The following CTTNBP2 variants were observed in gnomAD, a reference collection of about 807,000 sequenced individuals.
The protein encoded by CTTNBP2 is cortactin-binding protein 2.
CTTNBP2 carries 108 observed loss-of-function variants against 156.9 expected under a neutral mutation model. The observed-to-expected ratio is 0.69, with a 90% CI of 0.59 to 0.81. CTTNBP2 has a LOEUF of 0.81. Among genes scored for constraint, CTTNBP2 ranks in the 30% least tolerant of loss-of-function variants. The probability of loss-of-function intolerance (pLI) is 0.00; values close to 1 mark genes in which losing one functional copy is unlikely to be tolerated. For synonymous variants in CTTNBP2, 767 were observed against 751.8 expected (o/e 1.02, Z -0.33); for missense variants, 1,924 against 2,035.4 (o/e 0.95, Z 1.05).
chr7:117,781,206 A>G (rs888373950), intron 6 of CTTNBP2, among the ~76,000 whole-genome samples: 5 of 152,260 alleles, frequency 3.3e-5, no homozygotes, highest in Non-Finnish European at 5.9e-5. Flanking sequence ...GAAATGAGGT[A>G]AAGTCAAGAC....
chr7:117,805,377 C>T (rs188344735), intron 3 of CTTNBP2, among the ~76,000 whole-genome samples: 83 of 152,272 alleles, frequency 5.5e-4, no homozygotes, highest in Non-Finnish European at 9.3e-4. Context: ...CACCGAGTGG[C>T]TATAGGAAAG....
At position 117,721,103 on chromosome 7, in the gene CTTNBP2, A is replaced by G. The variant is rs974798801; in HGVS notation, c.4475T>C (p.Leu1492Pro). 6.2e-7 allele frequency: 1 copy of G among 1,605,588 alleles called. No individual in the cohort carries two copies. Among genetic ancestry groups the G allele is most frequent in the South Asian group, 1.1e-5 (1 of 90,888 alleles). The change falls in exon 20 of 23, where the codon CTG (leucine) becomes CCG (proline). Residue 1492 changes from leucine to proline, a missense_variant. Transcript: ENST00000160373. ...EGMKNKTISQ[L>P]NCNRNASLSK... ...CAGAGAAGCATTCCTGTTACAATTC[A>G]GCTGTGATATAGTCTTATTTTTCAT...
intron 3 of CTTNBP2, among the ~76,000 whole-genome samples, chr7:117,795,959 C>T (rs985008220): frequency 6.6e-6 from 1 of 152,210 alleles, no homozygotes; most frequent in African/African-American, 2.4e-5. Context: ...CCATTTACTA[C>T]AGGGGATATT....
intron 22 of CTTNBP2, among the ~76,000 whole-genome samples, chr7:117,714,440 A>G (rs918465389): frequency 2.6e-5 from 4 of 152,234 alleles, no homozygotes; most frequent in African/African-American, 9.6e-5. Context: ...TATAATAAGG[A>G]TAACAGTTAG....
At chr7:117,761,344 G>A (rs10258815) in intron 9 of CTTNBP2, among the ~76,000 whole-genome samples, 66,182 of 152,102 alleles carry the variant, frequency 0.44, 18,603 homozygotes, top group African/African-American at 0.79. Flanking sequence ...ATGGTTAACA[G>A]GGTAGCAGGA....
At chr7:117,863,985 A>G (rs1416190561) in intron 1 of CTTNBP2, among the ~76,000 whole-genome samples, 5 of 152,214 alleles carry the variant, frequency 3.3e-5, no homozygotes, top group Non-Finnish European at 7.3e-5. Context: ...AAAGATTTTA[A>G]TTAATTGTAT....
chr7:117,732,020 T>A (rs912969615), intron 16 of CTTNBP2, among the ~76,000 whole-genome samples: 1 of 152,206 alleles, frequency 6.6e-6, no homozygotes, highest in Non-Finnish European at 1.5e-5. Context: ...AAGAATGACA[T>A]TAAATATTTC....
chr7:117,816,113 G>A (rs1800562228), intron 2 of CTTNBP2, among the ~76,000 whole-genome samples: 1 of 152,186 alleles, frequency 6.6e-6, no homozygotes, highest in African/African-American at 2.4e-5. Flanking sequence ...ACCTGGAGAG[G>A]AAGTTAGGCC....
intron 12 of CTTNBP2, among the ~76,000 whole-genome samples, chr7:117,754,973 A>G (rs1796807349): frequency 6.6e-6 from 1 of 152,230 alleles, no homozygotes; most frequent in African/African-American, 2.4e-5. Context: ...CCTTGTACGG[A>G]GAAGCTGACA....
chr7:117,803,001 C>T (rs190148997), intron 3 of CTTNBP2, among the ~76,000 whole-genome samples: 1 of 152,206 alleles, frequency 6.6e-6, no homozygotes, highest in African/African-American at 2.4e-5. Context: ...TCAGAAATAC[C>T]ATCCAACCCA....
At chr7:117,751,417 T>C (rs550750222) in intron 12 of CTTNBP2, among the ~76,000 whole-genome samples, 67 of 152,316 alleles carry the variant, frequency 4.4e-4, no homozygotes, top group African/African-American at 1.5e-3. Context: ...ATTGGGACCG[T>C]TAAAATCACA....
At chr7:117,811,708 G>C (rs2116972475) in intron 2 of CTTNBP2, among the ~76,000 whole-genome samples, 1 of 151,644 alleles carries the variant, frequency 6.6e-6, no homozygotes, top group Non-Finnish European at 1.5e-5. Context: ...AATAATATCA[G>C]GTTAAATCAC....
At chr7:117,865,671 CAAAAAAAAAAAAA>C (rs61533705) in intron 1 of CTTNBP2, among the ~76,000 whole-genome samples, 2 of 74,520 alleles carry the variant, frequency 2.7e-5, no homozygotes, top group South Asian at 1.0e-3. Flanking sequence ...ACTCCATCTC[CAAAAAAAAAAAAA>C]AAAAAAGAAA....
rs1193030267 is a variant in CTTNBP2 at position 117,745,998 on chromosome 7, A to G, written c.3435+15T>C. On this transcript the variant is annotated intron_variant, in intron 13 of 22. Transcript: ENST00000160373. The stretch of plus-strand genomic sequence containing the variant: ...ATTTTCAAAGAAAAGCAGCTGATAT[A>G]CAAGTAATCAATACCTTCAGGCAGA... The G allele has an allele frequency of 4.3e-6, 7 of 1,612,208 alleles. No individual in the cohort carries two copies. The highest frequency in any genetic ancestry group is 1.1e-5 in the South Asian group (1 of 91,040).
intron 2 of CTTNBP2, among the ~76,000 whole-genome samples, chr7:117,814,553 G>A (rs1800469629): frequency 2.0e-5 from 3 of 152,050 alleles, no homozygotes; most frequent in Admixed American, 1.3e-4. Context: ...TCAGCTTCCC[G>A]AGTAGCTGAG....
intron 16 of CTTNBP2, among the ~76,000 whole-genome samples, chr7:117,731,825 T>G (rs557890852): frequency 2.0e-5 from 3 of 152,322 alleles, no homozygotes; most frequent in African/African-American, 7.2e-5. Context: ...TGGACTGCAT[T>G]ATATAGATCT....
intron 21 of CTTNBP2, 49 bp from the exon 22 acceptor site, chr7:117,718,168 C>G: frequency 8.0e-6 from 9 of 1,125,574 alleles, no homozygotes; most frequent in South Asian, 1.3e-5. Flanking sequence ...TCACACTGTG[C>G]ATACTCAAGG....
intron 4 of CTTNBP2, among the ~76,000 whole-genome samples, chr7:117,789,963 T>C (rs79146270): frequency 0.038 from 5,759 of 152,332 alleles, 152 homozygotes; most frequent in African/African-American, 0.052. Context: ...TAGCTTATAA[T>C]TGGACAAATA....
chr7:117,732,820 C>T (rs890229401), intron 16 of CTTNBP2, among the ~76,000 whole-genome samples: 2 of 151,848 alleles, frequency 1.3e-5, no homozygotes, highest in Admixed American at 6.6e-5. Context: ...CAAGGAAAAA[C>T]AAAAAAATGA....
Sources: gnomAD v4.1 joint callset for allele counts (sites outside exome capture counted in the v4.1 genomes callset) on GRCh38, gnomAD v4.1.1 for gene constraint, MANE v1.5 for transcripts, NCBI Gene and HGNC (gene_info 2026-07-23, HGNC 2026-07-21) for gene names.